Variants in HDLBP observed in about 807,000 individuals in gnomAD.
HDLBP encodes vigilin.
HDLBP carries 30 observed loss-of-function variants against 137.3 expected under a neutral mutation model. That is an observed-to-expected ratio of 0.22 (90% CI 0.16 to 0.30). The LOEUF is 0.30. Among genes scored for constraint, HDLBP ranks in the 10% least tolerant of loss-of-function variants. The pLI, the probability that HDLBP is intolerant of heterozygous loss-of-function variation, is 1.00. For missense variants in HDLBP, 1,119 were observed against 1,667.3 expected (o/e 0.67, Z 5.73); for synonymous variants, 606 against 596.0 (o/e 1.02, Z -0.24).
rs746934199 is a variant in HDLBP at position 241,233,829 on chromosome 2, A to G, written c.3279T>C (p.Asp1093=). ...DVNIQFPDKD[D]GNQPQDQITI... ...CAACCGAGGCTCTCACCTGGTTCCC[A>G]TCGTCCTTATCAGGAAACTGGATGT... Residue 1093 remains aspartate, a synonymous_variant, in exon 24 of 28, where the codon GAT becomes GAC. Transcript: ENST00000310931. The surrounding 1 kb of genome is among the most constrained non-coding windows in gnomAD (Gnocchi z 4.3). 3.7e-6 allele frequency: 6 copies of G among 1,614,018 alleles called. No homozygotes were observed. In the African/African-American group the frequency reaches 6.7e-5, roughly 18 times the overall value.
chr2:241,294,281 C>T (rs1329219178), intron 1 of HDLBP, among the ~76,000 whole-genome samples: 1 of 152,064 alleles, frequency 6.6e-6, no homozygotes, highest in Non-Finnish European at 1.5e-5. Context: ...GTAGCCACAG[C>T]CAACCAGGTC....
chr2:241,254,454 A>T (rs922585309), intron 9 of HDLBP, among the ~76,000 whole-genome samples: 1 of 151,504 alleles, frequency 6.6e-6, no homozygotes, highest in Non-Finnish European at 1.5e-5. Flanking sequence ...CACACTTAAT[A>T]CAATTTGTAT....
At position 241,230,872 on chromosome 2, in the gene HDLBP, C is replaced by G; in HGVS notation, c.3361G>C (p.Val1121Leu). The change falls in exon 25 of 28, where the codon GTG becomes CTG. Residue 1121 changes from valine to leucine, a missense_variant. By Grantham distance (32) the Val-to-Leu change is conservative (BLOSUM62 1). Around this residue, in one of 4 missense-constraint regions of HDLBP, gnomAD observed 618 missense variants for 816.7 expected, o/e 0.76. Transcript: ENST00000310931. This position sits in a 1 kb window ranked among gnomAD's most constrained non-coding sequence, Gnocchi z 5.0. ...GAAACCATCTGCTCAAGTTCACCCA[C>G]AATTCTCAGTATAGCATCCCTGGCA... ...EAARDAILRI[V>L]GELEQMVSED... 1 of 1,614,216 alleles carries G rather than the reference C, an allele frequency of 6.2e-7. No homozygotes were observed. Among genetic ancestry groups the G allele is most frequent in the Non-Finnish European group, 8.5e-7 (1 of 1,180,004 alleles).
chr2:241,315,669 G>C lies in HDLBP; in HGVS notation c.-202C>G, dbSNP rs1030260074. 1.3e-5 allele frequency: 2 copies of C among 152,540 alleles called. No homozygotes were observed. Among genetic ancestry groups the C allele is most frequent in the African/African-American group, 4.8e-5 (2 of 41,450 alleles). 9.4% of individuals were successfully genotyped at this position (152,540 alleles called of 1,614,324 possible). A position where few individuals can be genotyped will look rare whatever the true frequency, so the allele number is the denominator to read the frequency against. On this transcript the variant is annotated 5_prime_UTR_variant, in exon 1 of 28. Transcript: ENST00000310931. ...ATCTTGGTAAAGGAGAAGAGGCTAC[G>C]CTTGACCTCCCCCCCCACCCCCAGC...
At chr2:241,303,328 T>TCA (rs1422000686) in intron 1 of HDLBP, among the ~76,000 whole-genome samples, 1 of 152,140 alleles carries the variant, frequency 6.6e-6, no homozygotes, top group Non-Finnish European at 1.5e-5. Context: ...GCCAAGAACA[T>TCA]CACTGCTCCA....
At chr2:241,308,096 G>C (rs1015249976) in intron 1 of HDLBP, among the ~76,000 whole-genome samples, 1 of 152,256 alleles carries the variant, frequency 6.6e-6, no homozygotes, top group East Asian at 1.9e-4. Flanking sequence ...TCTCCTTTGA[G>C]GACAACTAAA....
chr2:241,273,024 GA>G (rs1209906300), intron 1 of HDLBP: 1 of 985,424 alleles, frequency 1.0e-6, no homozygotes, highest in Non-Finnish European at 1.2e-6. Flanking sequence ...GAGGAGTTGG[GA>G]AATTAATCAC....
At chr2:241,268,856 C>T (rs1265996568) in intron 1 of HDLBP, 3 of 152,170 alleles carry the variant, frequency 2.0e-5, no homozygotes, top group Non-Finnish European at 4.4e-5. Context: ...CTCACAGAAC[C>T]ACTGGTGCTC....
intron 1 of HDLBP, among the ~76,000 whole-genome samples, chr2:241,312,572 G>A (rs945944069): frequency 9.9e-5 from 15 of 152,122 alleles, no homozygotes; most frequent in African/African-American, 3.4e-4. Context: ...ACCTTTACAC[G>A]CATTTTGGAC....
At chr2:241,286,745 TG>T (rs1265470307) in intron 1 of HDLBP, among the ~76,000 whole-genome samples, 1 of 152,082 alleles carries the variant, frequency 6.6e-6, no homozygotes, top group Non-Finnish European at 1.5e-5. Context: ...GGGTTTACAA[TG>T]GTGAAACCCT....
At chr2:241,298,108 G>GTAA (rs2075255460) in intron 1 of HDLBP, among the ~76,000 whole-genome samples, 1 of 134,210 alleles carries the variant, frequency 7.5e-6, no homozygotes, top group Admixed American at 7.8e-5. Flanking sequence ...GCTCATGCCT[G>GTAA]TAATCCTAGC....
intron 12 of HDLBP, among the ~76,000 whole-genome samples, chr2:241,249,162 T>G (rs1486799316): frequency 6.6e-6 from 1 of 151,988 alleles, no homozygotes; most frequent in Non-Finnish European, 1.5e-5. Flanking sequence ...ATAAAAGAGG[T>G]CTGCCAATTT....
chr2:241,268,423 C>T (rs928103411), intron 2 of HDLBP, 54 bp downstream of exon 2: 1 of 980,650 alleles, frequency 1.0e-6, no homozygotes, highest in Non-Finnish European at 1.2e-6. Context: ...CCCTGCGCCC[C>T]CAGGTCCACA....
intron 5 of HDLBP, among the ~76,000 whole-genome samples, chr2:241,258,742 G>A (rs1033505537): frequency 3.3e-5 from 5 of 152,134 alleles, no homozygotes; most frequent in African/African-American, 1.2e-4. Context: ...AAATGCAAGT[G>A]GCCCTTATAT....
At chr2:241,253,570 C>G in intron 9 of HDLBP, 73 bp from the exon 10 acceptor site, 15 of 1,046,596 alleles carry the variant, frequency 1.4e-5, no homozygotes, top group Non-Finnish European at 2.1e-5. Context: ...CCAGTGGGAG[C>G]TCTCTTCGGA....
intron 1 of HDLBP, among the ~76,000 whole-genome samples, chr2:241,298,734 G>T (rs1303182055): frequency 6.6e-6 from 1 of 152,156 alleles, no homozygotes; most frequent in Non-Finnish European, 1.5e-5. Context: ...CCACCTATTA[G>T]GATGCAGAGA....
intron 1 of HDLBP, among the ~76,000 whole-genome samples, chr2:241,302,095 A>G (rs1475971682): frequency 6.6e-6 from 1 of 152,000 alleles, no homozygotes; most frequent in South Asian, 2.1e-4. Flanking sequence ...CTACAAAAAA[A>G]AAAAAAAAAT....
intron 1 of HDLBP, among the ~76,000 whole-genome samples, chr2:241,280,532 G>A (rs2074556193): frequency 6.6e-6 from 1 of 152,150 alleles, no homozygotes; most frequent in Non-Finnish European, 1.5e-5. Flanking sequence ...AGGTAACTTA[G>A]TATATTCTCC....
chr2:241,229,558 G>A lies in HDLBP; in HGVS notation c.*43C>T. On this transcript the variant is annotated 3_prime_UTR_variant, in exon 28 of 28. Transcript: ENST00000310931. ...TTGAGACAAACCATTGTGTGGTTGG[G>A]TTTGGGTCAGCAGGCTGGAGAGGGT... is the stretch of plus-strand genomic sequence containing the variant. 2 of 1,454,476 alleles carry A rather than the reference G, an allele frequency of 1.4e-6. No homozygotes were observed. Among genetic ancestry groups the A allele is most frequent in the South Asian group, 1.2e-5 (1 of 86,308 alleles). The allele number at this position is 1,454,476 out of a possible 1,614,324, so 90.1% of individuals were successfully genotyped here.
Sources: allele counts gnomAD v4.1 joint callset (sites outside exome capture counted in the v4.1 genomes callset), GRCh38; gene constraint gnomAD v4.1.1; regional missense constraint gnomAD v4.1.1; non-coding constraint Gnocchi (gnomAD v3.1); transcripts MANE v1.5; gene names NCBI Gene and HGNC (gene_info 2026-07-23, HGNC 2026-07-21).